Variants in ACTR3C observed in about 807,000 individuals in gnomAD.
The protein encoded by ACTR3C is actin related protein 3C.
ACTR3C carries 18 observed loss-of-function variants against 26.3 expected under a neutral mutation model. The ratio of observed to expected loss-of-function variants is 0.68; its 90% confidence interval spans 0.47 to 1.01. The LOEUF is 1.01. ACTR3C is among the 50% of genes least tolerant of loss of function. ACTR3C has a pLI of 0.00. For synonymous variants in ACTR3C, 55 were observed against 94.5 expected (o/e 0.58, Z 2.42); for missense variants, 184 against 250.7 (o/e 0.73, Z 1.80).
chr7:149,976,498 C>A, the ACTR3C span, among the ~76,000 whole-genome samples: 1 of 150,260 alleles, frequency 6.7e-6, no homozygotes, highest in African/African-American at 2.5e-5. Flanking sequence ...GGCGTGAACC[C>A]ATGAGAGGGA....
At chr7:150,140,006 A>T in the ACTR3C span, among the ~76,000 whole-genome samples, 3 of 147,970 alleles carry the variant, frequency 2.0e-5, no homozygotes, top group East Asian at 5.8e-4. Context: ...ACACACATTC[A>T]CACACACATG....
At chr7:150,129,725 T>A in the ACTR3C span, among the ~76,000 whole-genome samples, 430 of 151,432 alleles carry the variant, frequency 2.8e-3, 5 homozygotes, top group African/African-American at 9.9e-3. Context: ...AGATCTACAC[T>A]CAAATACACT....
the ACTR3C span, among the ~76,000 whole-genome samples, chr7:150,129,871 G>A: frequency 6.6e-6 from 1 of 151,988 alleles, no homozygotes; most frequent in Admixed American, 6.6e-5. Context: ...ATCTAGAATA[G>A]CCAAAACAAT....
At chr7:150,237,730 C>A in the ACTR3C span, among the ~76,000 whole-genome samples, 1 of 151,918 alleles carries the variant, frequency 6.6e-6, no homozygotes, top group African/African-American at 2.4e-5. Flanking sequence ...CTAGCGCAGG[C>A]CTCGCCCTGG....
At chr7:150,298,974 CTTTTTTTTT>C (rs550994860) in intron 1 of ACTR3C, among the ~76,000 whole-genome samples, 1 of 82,516 alleles carries the variant, frequency 1.2e-5, no homozygotes, top group East Asian at 4.1e-4. Context: ...GTAATGAAAA[CTTTTTTTTT>C]TTTTTTTTTT....
the ACTR3C span, among the ~76,000 whole-genome samples, chr7:150,135,258 C>A: frequency 1.3e-5 from 2 of 152,000 alleles, no homozygotes; most frequent in Non-Finnish European, 2.9e-5. Context: ...GGGGACACAG[C>A]GAGACTCCGT....
chr7:150,291,716 G>A (rs1453040934), intron 3 of ACTR3C, among the ~76,000 whole-genome samples: 1 of 151,730 alleles, frequency 6.6e-6, no homozygotes. Context: ...TGCAGGCCAG[G>A]GGCCTACGGG....
the ACTR3C span, among the ~76,000 whole-genome samples, chr7:150,100,985 G>A: frequency 0.032 from 4,778 of 151,578 alleles, 420 homozygotes; most frequent in African/African-American, 0.11. Context: ...GATTATAGGC[G>A]TGAGCCACCC....
chr7:150,243,154 C>T (rs1350573912), downstream of ACTR3C, among the ~76,000 whole-genome samples: 4 of 152,152 alleles, frequency 2.6e-5, no homozygotes, highest in East Asian at 1.9e-4. Flanking sequence ...GATTAGTAAA[C>T]GTGGTATCAG....
the ACTR3C span, among the ~76,000 whole-genome samples, chr7:149,941,206 T>C: frequency 3.3e-5 from 5 of 152,206 alleles, no homozygotes; most frequent in East Asian, 5.8e-4. Flanking sequence ...CTGAAACTTA[T>C]AGGTTCCTGG....
the ACTR3C span, among the ~76,000 whole-genome samples, chr7:150,048,586 G>A: frequency 7.2e-5 from 11 of 152,000 alleles, no homozygotes; most frequent in South Asian, 6.2e-4. Flanking sequence ...AGGGGATGCG[G>A]AGGTCGAGGC....
At chr7:150,064,229 A>G in the ACTR3C span, among the ~76,000 whole-genome samples, 1 of 147,900 alleles carries the variant, frequency 6.8e-6, no homozygotes, top group Non-Finnish European at 1.5e-5. Flanking sequence ...TAAGCAAGAC[A>G]TTTGAAGCTC....
chr7:150,083,504 C>T, the ACTR3C span, among the ~76,000 whole-genome samples: 2 of 152,092 alleles, frequency 1.3e-5, no homozygotes, highest in East Asian at 1.9e-4. Flanking sequence ...GAGGTTGAGG[C>T]TGCAGTGAGA....
the ACTR3C span, among the ~76,000 whole-genome samples, chr7:150,034,268 T>C: frequency 6.7e-6 from 1 of 149,408 alleles, no homozygotes; most frequent in South Asian, 2.1e-4. Context: ...AAAAACCTAG[T>C]TGTTTAGAGA....
At chr7:150,295,436 T>C in intron 1 of ACTR3C, 89 bp from the exon 2 acceptor site, 3 of 1,330,422 alleles carry the variant, frequency 2.3e-6, no homozygotes, top group Non-Finnish European at 3.2e-6. Context: ...GAAAGTATGT[T>C]AGCGAGGACA....
the ACTR3C span, among the ~76,000 whole-genome samples, chr7:150,116,357 G>A: frequency 1.3e-5 from 2 of 152,150 alleles, no homozygotes; most frequent in Non-Finnish European, 2.9e-5. Context: ...ATTTCCAAGG[G>A]AAGAAAAAAA....
chr7:149,906,115 G>C, the ACTR3C span, among the ~76,000 whole-genome samples: 1 of 152,022 alleles, frequency 6.6e-6, no homozygotes, highest in Non-Finnish European at 1.5e-5. Flanking sequence ...TAATATTGAG[G>C]GTTTTTCTTT....
At chr7:149,972,775 C>G in the ACTR3C span, among the ~76,000 whole-genome samples, 1 of 151,918 alleles carries the variant, frequency 6.6e-6, no homozygotes, top group Non-Finnish European at 1.5e-5. Flanking sequence ...AAGAACTAAG[C>G]AAGTGGAGGA....
chr7:150,175,645 C>A, the ACTR3C span, among the ~76,000 whole-genome samples: 215 of 148,024 alleles, frequency 1.5e-3, 1 homozygote, highest in Non-Finnish European at 2.6e-3. Flanking sequence ...GAAACCGGGT[C>A]TCTACTAAAA....
Sources: gnomAD v4.1 joint callset for allele counts (sites outside exome capture counted in the v4.1 genomes callset) on GRCh38, gnomAD v4.1.1 for gene constraint, MANE v1.5 for transcripts, NCBI Gene and HGNC (gene_info 2026-07-23, HGNC 2026-07-21) for gene names.